Variants in ADGRL3 observed in about 807,000 individuals in gnomAD.
ADGRL3 encodes the protein calcium-independent alpha-latrotoxin receptor 3.
ADGRL3 carries 62 observed loss-of-function variants against 153.5 expected under a neutral mutation model. The observed-to-expected ratio is 0.40, with a 90% confidence interval of 0.33 to 0.50. The LOEUF (loss-of-function observed/expected upper bound fraction) is 0.50. Ranked by LOEUF, ADGRL3 falls within the 20% of genes least tolerant of loss-of-function variation. The pLI is 0.47. For missense variants in ADGRL3, 1,641 were observed against 1,859.4 expected (o/e 0.88, Z 2.16); for synonymous variants, 710 against 672.5 (o/e 1.06, Z -0.86).
intron 6 of ADGRL3, among the ~76,000 whole-genome samples, chr4:61,729,699 C>T (rs947226356): frequency 1.3e-5 from 2 of 151,754 alleles, no homozygotes; most frequent in Non-Finnish European, 2.9e-5. Context: ...AGCAAATTGT[C>T]TCTGTGAAAC....
At chr4:61,279,137 G>A (rs1417875502) in intron 1 of ADGRL3, among the ~76,000 whole-genome samples, 1 of 152,148 alleles carries the variant, frequency 6.6e-6, no homozygotes, top group African/African-American at 2.4e-5. Flanking sequence ...TGTGATAATG[G>A]AAGTTGTAAT....
intron 20 of ADGRL3, 32 bp downstream of exon 20, chr4:61,996,389 A>G: frequency 6.8e-7 from 1 of 1,475,810 alleles, no homozygotes; most frequent in Non-Finnish European, 9.5e-7. Context: ...TGTGTTTCCC[A>G]GATCAAGAAG....
intron 1 of ADGRL3, among the ~76,000 whole-genome samples, chr4:61,371,428 G>A (rs1332097848): frequency 1.3e-5 from 2 of 151,642 alleles, no homozygotes; most frequent in Non-Finnish European, 2.9e-5. Flanking sequence ...CAGGCCTGGT[G>A]GTGACAAAAT....
Position 61,979,769 on chromosome 4 carries a change from A to G in ADGRL3, c.3012A>G (p.Gln1004=), listed in dbSNP as rs761350185. 8 of 1,613,232 alleles carry G rather than the reference A, an allele frequency of 5.0e-6. No individual in the cohort carries two copies. The African/African-American group carries it at 6.7e-5, about 13-fold the overall frequency. ...LFLIGINRTD[Q]PIACAVFAAL... ...TGATTGGGATCAACCGAACTGACCA[A>G]CCAGTAAGCAACCTACATTGATACC... The change falls in exon 18 of 27, where the codon CAA becomes CAG. Residue 1004 remains glutamine, a synonymous_variant. Transcript: ENST00000683033.
At chr4:61,603,625 A>G (rs2099020881) in intron 5 of ADGRL3, among the ~76,000 whole-genome samples, 1 of 152,182 alleles carries the variant, frequency 6.6e-6, no homozygotes, top group Non-Finnish European at 1.5e-5. Context: ...TACAGCACTT[A>G]TATCTCAGCA....
intron 21 of ADGRL3, among the ~76,000 whole-genome samples, chr4:62,017,341 C>A (rs2099216940): frequency 6.6e-6 from 1 of 151,428 alleles, no homozygotes; most frequent in Non-Finnish European, 1.5e-5. Flanking sequence ...ATGATTCCAC[C>A]AAGTTAAGGA....
intron 4 of ADGRL3, among the ~76,000 whole-genome samples, chr4:61,571,548 G>A (rs536100437): frequency 6.6e-6 from 1 of 151,848 alleles, no homozygotes; most frequent in Non-Finnish European, 1.5e-5. Flanking sequence ...TGAGGAACCT[G>A]GGGAGTTTGG....
intron 17 of ADGRL3, among the ~76,000 whole-genome samples, chr4:61,957,092 T>C (rs2098970064): frequency 6.6e-6 from 1 of 152,166 alleles, no homozygotes; most frequent in South Asian, 2.1e-4. Flanking sequence ...GGCAGTTTGA[T>C]GGAAATATCA....
intron 21 of ADGRL3, among the ~76,000 whole-genome samples, chr4:62,005,064 C>T (rs1318419461): frequency 1.3e-5 from 2 of 152,254 alleles, no homozygotes; most frequent in South Asian, 2.1e-4. Flanking sequence ...CAAGTTGAGA[C>T]TTTCCTAAGG....
intron 3 of ADGRL3, among the ~76,000 whole-genome samples, chr4:61,510,759 C>A (rs765254945): frequency 4.6e-5 from 7 of 152,026 alleles, no homozygotes; most frequent in Non-Finnish European, 1.0e-4. Flanking sequence ...TTTGATTCCA[C>A]AGGAATTTTA....
intron 1 of ADGRL3, among the ~76,000 whole-genome samples, chr4:61,236,838 A>G (rs1017105569): frequency 2.6e-5 from 4 of 152,170 alleles, no homozygotes; most frequent in Non-Finnish European, 5.9e-5. Flanking sequence ...GTATATATCA[A>G]AACTGTTTGT....
chr4:61,271,109 CA>C (rs1372658970), intron 1 of ADGRL3, among the ~76,000 whole-genome samples: 5 of 151,676 alleles, frequency 3.3e-5, no homozygotes, highest in Non-Finnish European at 7.4e-5. Context: ...TGGCAGAATT[CA>C]AATCTAGGTC....
intron 1 of ADGRL3, among the ~76,000 whole-genome samples, chr4:61,246,461 T>G (rs1757128311): frequency 6.6e-6 from 1 of 152,052 alleles, no homozygotes; most frequent in South Asian, 2.1e-4. Context: ...TGACAAAATT[T>G]AAAAATTTAC....
chr4:61,627,738 G>A (rs936626271), intron 5 of ADGRL3, among the ~76,000 whole-genome samples: 2 of 152,114 alleles, frequency 1.3e-5, no homozygotes, highest in African/African-American at 4.8e-5. Context: ...TAGGGTTTGG[G>A]TATTTCGAAG....
In ADGRL3 at chr4:61,488,134, T is replaced by C. The variant is rs184056376; in HGVS notation, c.-173-8987T>C. Among the ~76,000 whole-genome samples the C allele has an allele frequency of 1.2e-4, 19 of 152,148 alleles. No homozygotes were observed. The East Asian group carries it at 3.7e-3, about 29-fold the overall frequency. On this transcript the variant is annotated intron_variant, in intron 2 of 26. Coordinates refer to ENST00000683033, the MANE Select transcript of ADGRL3 (RefSeq NM_001387552.1). ...GCTCTAAAGCCAAAAAATAGCAATG[T>C]TCATTAAATATAAATTTGTTTCTAA...
chr4:61,750,004 C>A (rs2096731763), intron 8 of ADGRL3, among the ~76,000 whole-genome samples: 1 of 151,944 alleles, frequency 6.6e-6, no homozygotes, highest in African/African-American at 2.4e-5. Context: ...TTGATTGATT[C>A]TTTTTTTATT....
At chr4:61,455,603 T>G (rs906776635) in intron 2 of ADGRL3, among the ~76,000 whole-genome samples, 4 of 152,084 alleles carry the variant, frequency 2.6e-5, no homozygotes, top group Admixed American at 2.0e-4. Context: ...ATATGTAGTA[T>G]TATTATATTT....
chr4:61,305,023 A>G (rs1011682209), intron 1 of ADGRL3, among the ~76,000 whole-genome samples: 1 of 152,218 alleles, frequency 6.6e-6, no homozygotes, highest in Non-Finnish European at 1.5e-5. Flanking sequence ...GCTTATATTT[A>G]TAACTAATTA....
intron 17 of ADGRL3, among the ~76,000 whole-genome samples, chr4:61,965,298 C>T (rs971853668): frequency 6.6e-6 from 1 of 151,860 alleles, no homozygotes. Flanking sequence ...TGTACCTGGC[C>T]TTTTTCTGGC....
Sources: gnomAD v4.1 joint callset for allele counts (sites outside exome capture counted in the v4.1 genomes callset) on GRCh38, gnomAD v4.1.1 for gene constraint, MANE v1.5 for transcripts, NCBI Gene and HGNC (gene_info 2026-07-23, HGNC 2026-07-21) for gene names.